Variants in FSHR observed in about 807,000 individuals in gnomAD.
The protein encoded by FSHR is follicle stimulating hormone receptor, also known as follicle-stimulating hormone receptor.
A neutral mutation model predicts 52.1 loss-of-function variants in FSHR; 46 were observed. That is an observed-to-expected ratio of 0.88 (90% confidence interval 0.70 to 1.13). The LOEUF (loss-of-function observed/expected upper bound fraction) is 1.13, where lower values mean the gene tolerates loss of function less well. Ranked by LOEUF, FSHR falls within the 50% of genes most tolerant of loss-of-function variation. FSHR has a pLI of 0.00. For synonymous variants in FSHR, 399 were observed against 309.6 expected, an observed-to-expected ratio of 1.29 and a Z score of -3.03; for missense variants, 964 against 834.6, an observed-to-expected ratio of 1.16 and a Z score of -1.91.
intron 1 of FSHR, among the ~76,000 whole-genome samples, chr2:49,146,190 T>C (rs1672862114): frequency 6.6e-6 from 1 of 152,030 alleles, no homozygotes; most frequent in Non-Finnish European, 1.5e-5. Flanking sequence ...AGGCTACTAT[T>C]GTGAGAAGAC....
Position 49,080,656 on chromosome 2 carries a change from T to C in FSHR, c.153-12366A>G, listed in dbSNP as rs186473367. ...AAGGTTAACAACATGCAAAATAATA[T>C]AGTATGTTGTTTTGTATTCATGTCT... On this transcript the variant is annotated intron_variant, in intron 1 of 9. Transcript: ENST00000406846. 8.3e-4 allele frequency among the ~76,000 whole-genome samples: 126 copies of C among 152,256 alleles called. 1 individual carries two copies. In the East Asian group the frequency reaches 0.011, roughly 14 times the overall value.
In FSHR at chr2:49,082,888, C is replaced by T. The variant is rs574849938; in HGVS notation, c.153-14598G>A. Among the ~76,000 whole-genome samples the T allele has an allele frequency of 5.4e-3, 827 of 151,902 alleles. 7 individuals are homozygous for T. Among genetic ancestry groups the T allele is most frequent in the African/African-American group, 0.018 (755 of 41,268 alleles). On this transcript the variant is annotated intron_variant, in intron 1 of 9. Coordinates refer to ENST00000406846, the MANE Select transcript of FSHR (RefSeq NM_000145.4). ...GTCTGATTGGTGTACCTGAAAGTGA[C>T]GGGGAGAATGGAACCAAGTTGGAAA... is the stretch of plus-strand genomic sequence containing the variant.
intron 4 of FSHR, among the ~76,000 whole-genome samples, chr2:48,999,683 G>A (rs554998156): frequency 3.9e-4 from 59 of 152,218 alleles, no homozygotes; most frequent in African/African-American, 1.3e-3. Context: ...TGAATGAAAT[G>A]TTACAATGGT....
At chr2:48,987,837 AACAC>A (rs72108367) in intron 6 of FSHR, among the ~76,000 whole-genome samples, 2,119 of 145,296 alleles carry the variant, frequency 0.015, 18 homozygotes, top group African/African-American at 0.02. Flanking sequence ...ACCTCATCTC[AACAC>A]ACACACACAC....
intron 2 of FSHR, among the ~76,000 whole-genome samples, chr2:49,043,934 C>T (rs772225820): frequency 5.3e-5 from 8 of 152,218 alleles, no homozygotes; most frequent in African/African-American, 1.4e-4. Context: ...AAAACCTTCT[C>T]TTGCTTCTCT....
chr2:49,117,628 A>G (rs1460667944), intron 1 of FSHR, among the ~76,000 whole-genome samples: 1 of 152,228 alleles, frequency 6.6e-6, no homozygotes, highest in Non-Finnish European at 1.5e-5. Flanking sequence ...AGAATAAAAA[A>G]GGGTCAATGA....
chr2:49,056,310 A>C (rs1464625503), intron 2 of FSHR, among the ~76,000 whole-genome samples: 2 of 151,882 alleles, frequency 1.3e-5, no homozygotes, highest in Non-Finnish European at 2.9e-5. Flanking sequence ...CCTTATAAAC[A>C]AAACCCTAAA....
chr2:48,979,162 G>A (rs974113809), intron 8 of FSHR, among the ~76,000 whole-genome samples: 1 of 152,102 alleles, frequency 6.6e-6, no homozygotes, highest in Non-Finnish European at 1.5e-5. Flanking sequence ...CTAAAGGTGG[G>A]AGCTGGGTGT....
At chr2:48,996,512 T>G (rs901713075) in intron 4 of FSHR, among the ~76,000 whole-genome samples, 1 of 152,136 alleles carries the variant, frequency 6.6e-6, no homozygotes, top group Non-Finnish European at 1.5e-5. Context: ...TCTTGTTGAT[T>G]CATTAACACA....
intron 2 of FSHR, among the ~76,000 whole-genome samples, chr2:49,063,400 G>A (rs749524121): frequency 6.6e-5 from 10 of 151,152 alleles, no homozygotes; most frequent in African/African-American, 1.5e-4. Flanking sequence ...CAACTTACAC[G>A]TTCACAAATA....
At chr2:49,054,747 G>A (rs1668994569) in intron 2 of FSHR, among the ~76,000 whole-genome samples, 1 of 152,120 alleles carries the variant, frequency 6.6e-6, no homozygotes, top group African/African-American at 2.4e-5. Context: ...CTCAGCTTAG[G>A]CTGCTGAGAC....
intron 1 of FSHR, among the ~76,000 whole-genome samples, chr2:49,085,968 G>GC (rs1161762533): frequency 7.3e-5 from 11 of 150,944 alleles, no homozygotes; most frequent in African/African-American, 2.7e-4. Flanking sequence ...CTGTTGTGGG[G>GC]GGGGGGAGTG....
Position 48,983,178 on chromosome 2 carries a change from G to A in FSHR, c.525-12C>T, listed in dbSNP as rs750383167. 1.2e-6 allele frequency: 2 copies of A among 1,613,282 alleles called. No homozygotes were observed. Among genetic ancestry groups the A allele is most frequent in the Non-Finnish European group, 1.7e-6 (2 of 1,179,394 alleles). On this transcript the variant is annotated splice_polypyrimidine_tract_variant and intron_variant, in intron 6 of 9. Coordinates refer to ENST00000406846, the MANE Select transcript of FSHR (RefSeq NM_000145.4). ...TCTTATTCAGCCATCTGAAATAAAA[G>A]GCCTATTAAAAAACCAATAATGTCA...
chr2:49,115,320 A>G (rs1468721718), intron 1 of FSHR, among the ~76,000 whole-genome samples: 2 of 152,016 alleles, frequency 1.3e-5, no homozygotes, highest in Non-Finnish European at 2.9e-5. Context: ...GATGCTTACT[A>G]TTATCTCACA....
At chr2:48,989,082 A>T in intron 5 of FSHR, 28 bp from the exon 6 acceptor site, 1 of 1,575,102 alleles carries the variant, frequency 6.3e-7, no homozygotes, top group Non-Finnish European at 8.7e-7. Flanking sequence ...CAAATAAGAT[A>T]CTTACATCAG....
At chr2:48,976,615 G>T (rs549244555) in intron 8 of FSHR, among the ~76,000 whole-genome samples, 29 of 152,160 alleles carry the variant, frequency 1.9e-4, no homozygotes, top group African/African-American at 7.0e-4. Context: ...CTGGTCCTGG[G>T]CTTTTTTTGG....
chr2:49,048,919 T>G (rs999274338), intron 2 of FSHR, among the ~76,000 whole-genome samples: 1 of 152,212 alleles, frequency 6.6e-6, no homozygotes, highest in Non-Finnish European at 1.5e-5. Context: ...AATCTTTTAC[T>G]GTTTAAAGCA....
At position 48,963,366 on chromosome 2, in the gene FSHR, A is replaced by C; in HGVS notation, c.1455T>G (p.His485Gln). 1.9e-6 allele frequency: 3 copies of C among 1,614,086 alleles called. No individual in the cohort carries two copies. The highest frequency in any genetic ancestry group is 2.5e-6 in the Non-Finnish European group (3 of 1,179,994). ...AGCCCATCACCATGACACTGGCAGC[A>C]TGGCGGAGCTGCACCTTGCAGTCCA... Reference protein sequence around the residue: ...MQLDCKVQLRHAASVMVMGWI... With the variant: ...MQLDCKVQLRQAASVMVMGWI... Residue 485 changes from histidine to glutamine, a missense_variant, in exon 10 of 10, where the codon CAT (histidine) becomes CAG (glutamine). Transcript: ENST00000406846.
intron 3 of FSHR, among the ~76,000 whole-genome samples, chr2:49,017,963 T>C (rs1490940233): frequency 2.6e-5 from 4 of 151,112 alleles, no homozygotes; most frequent in Non-Finnish European, 5.9e-5. Context: ...GTTTGTCTGG[T>C]CGGGAGGCAA....
Sources: gnomAD v4.1 joint callset for allele counts (sites outside exome capture counted in the v4.1 genomes callset) on GRCh38, gnomAD v4.1.1 for gene constraint, MANE v1.5 for transcripts, NCBI Gene and HGNC (gene_info 2026-07-23, HGNC 2026-07-21) for gene names.